The following NOL4 variants were observed in gnomAD, a reference collection of about 807,000 sequenced individuals.
The protein encoded by NOL4 is cancer/testis antigen 125.
NOL4 carries 17 observed loss-of-function variants against 75.9 expected under a neutral mutation model. The ratio of observed to expected loss-of-function variants is 0.22; its 90% CI spans 0.15 to 0.34. The LOEUF (loss-of-function observed/expected upper bound fraction) is 0.34, where lower values mean the gene tolerates loss of function less well. Among genes scored for constraint, NOL4 ranks in the 10% least tolerant of loss-of-function variants. NOL4 has a pLI of 1.00. For synonymous variants in NOL4, 292 were observed against 289.9 expected (o/e 1.01, Z -0.07); for missense variants, 614 against 793.5 (o/e 0.77, Z 2.72).
intron 10 of NOL4, among the ~76,000 whole-genome samples, chr18:33,858,153 C>G (rs769783232): frequency 6.6e-6 from 1 of 152,028 alleles, no homozygotes; most frequent in African/African-American, 2.4e-5. Context: ...AAGCACTGTT[C>G]TTGCCATAAT....
At chr18:34,142,125 A>T (rs2081194842) in intron 1 of NOL4, among the ~76,000 whole-genome samples, 1 of 152,206 alleles carries the variant, frequency 6.6e-6, no homozygotes, top group Non-Finnish European at 1.5e-5. Context: ...TCAAAACCAC[A>T]ATGAGATACC....
At chr18:34,094,275 A>T (rs1439672166) in intron 4 of NOL4, among the ~76,000 whole-genome samples, 1 of 152,192 alleles carries the variant, frequency 6.6e-6, no homozygotes, top group Non-Finnish European at 1.5e-5. Context: ...AAAAATTTTC[A>T]TTGGCAAACA....
At chr18:34,124,365 G>A (rs2080287180) in intron 2 of NOL4, among the ~76,000 whole-genome samples, 2 of 152,054 alleles carry the variant, frequency 1.3e-5, no homozygotes, top group Admixed American at 1.3e-4. Context: ...ATTGTGCCTA[G>A]AGAGTATTTT....
In NOL4 at chr18:33,959,796, G is replaced by C. The variant is rs76096130; in HGVS notation, c.1057-1378C>G. 8.6e-3 allele frequency among the ~76,000 whole-genome samples: 1,313 copies of C among 152,078 alleles called. 22 individuals are homozygous for C. The highest frequency in any genetic ancestry group is 0.03 in the African/African-American group (1,263 of 41,516). On this transcript the variant is annotated intron_variant, in intron 6 of 10. Transcript: ENST00000261592. ...ATTATCCTCCAGATTCTACAGATAAGGAAACAGCTTTAGAACATCTAAACA... is the reference window on the plus strand; with the variant it reads ...ATTATCCTCCAGATTCTACAGATAACGAAACAGCTTTAGAACATCTAAACA...
intron 1 of NOL4, among the ~76,000 whole-genome samples, chr18:34,211,361 T>C: frequency 6.6e-6 from 1 of 152,182 alleles, no homozygotes; most frequent in Non-Finnish European, 1.5e-5. Flanking sequence ...AACAGAGTGC[T>C]TAGAGAACAA....
At chr18:34,048,692 G>A in intron 5 of NOL4, 1 of 733,502 alleles carries the variant, frequency 1.4e-6, no homozygotes, top group Non-Finnish European at 1.7e-6. Context: ...AAAGACTCAG[G>A]GAAACATGCA....
intron 9 of NOL4, among the ~76,000 whole-genome samples, chr18:33,894,628 C>A (rs960783158): frequency 2.0e-5 from 3 of 152,104 alleles, no homozygotes; most frequent in African/African-American, 7.2e-5. Context: ...ATACCTGTTA[C>A]CAGAATTTTA....
intron 6 of NOL4, among the ~76,000 whole-genome samples, chr18:33,994,832 GC>G (rs1195628782): frequency 1.3e-5 from 2 of 151,088 alleles, no homozygotes; most frequent in Non-Finnish European, 3.0e-5. Flanking sequence ...GAAACAATAG[GC>G]AAAAACGAAT....
intron 1 of NOL4, chr18:34,222,538 G>A: frequency 2.6e-6 from 2 of 759,496 alleles, no homozygotes; most frequent in Non-Finnish European, 3.2e-6. Flanking sequence ...ATGCCAATAA[G>A]GAGACACTGT....
At chr18:34,131,047 TACACATACACACACACACATACACCG>T (rs1421927869) in intron 1 of NOL4, among the ~76,000 whole-genome samples, 3 of 140,262 alleles carry the variant, frequency 2.1e-5, no homozygotes, top group African/African-American at 8.1e-5. Flanking sequence ...AACACACACA[TACACATACACACACACACATACACCG>T]ACACACACAC....
chr18:34,073,193 A>G lies in NOL4; in HGVS notation c.772+20272T>C, dbSNP rs183184899. 1.4e-4 allele frequency among the ~76,000 whole-genome samples: 22 copies of G among 152,264 alleles called. No individual in the cohort carries two copies. The East Asian group carries it at 3.7e-3, about 25-fold the overall frequency. On this transcript the variant is annotated intron_variant, in intron 5 of 10. Coordinates refer to ENST00000261592, the MANE Select transcript of NOL4 (RefSeq NM_003787.5). ...TGAAATAACCAATCAGGAAAATAAT[A>G]AAAAGAAAAATACATCAATTACCAA...
intron 5 of NOL4, among the ~76,000 whole-genome samples, chr18:34,039,601 T>A (rs765531467): frequency 1.3e-5 from 2 of 152,054 alleles, no homozygotes; most frequent in African/African-American, 2.4e-5. Context: ...AAAAAATAAG[T>A]GTGTGGTCAA....
chr18:34,039,261 T>C (rs893694756), intron 5 of NOL4, among the ~76,000 whole-genome samples: 4 of 151,956 alleles, frequency 2.6e-5, no homozygotes, highest in South Asian at 2.1e-4. Flanking sequence ...GGGTTCCATA[T>C]TGAGTAGCAT....
At chr18:34,161,831 T>C (rs1568407618) in intron 1 of NOL4, among the ~76,000 whole-genome samples, 1 of 152,182 alleles carries the variant, frequency 6.6e-6, no homozygotes, top group Non-Finnish European at 1.5e-5. Flanking sequence ...AATTTAGATA[T>C]GTTCTGGTGT....
At chr18:34,084,014 G>T (rs2078129854) in intron 5 of NOL4, among the ~76,000 whole-genome samples, 1 of 152,182 alleles carries the variant, frequency 6.6e-6, no homozygotes, top group Non-Finnish European at 1.5e-5. Flanking sequence ...AGGCTGCAGA[G>T]CAGCAAAGAT....
intron 1 of NOL4, among the ~76,000 whole-genome samples, chr18:34,135,666 C>CCAG (rs1367928480): frequency 8.8e-6 from 1 of 113,514 alleles, no homozygotes; most frequent in Non-Finnish European, 1.6e-5. Flanking sequence ...CCACTGCACT[C>CCAG]CAGCCTGGGC....
intron 1 of NOL4, among the ~76,000 whole-genome samples, chr18:34,175,537 T>A (rs2033467760): frequency 6.6e-6 from 1 of 151,922 alleles, no homozygotes; most frequent in African/African-American, 2.4e-5. Context: ...TCAGAAAAAA[T>A]CTAAGACTGG....
intron 6 of NOL4, among the ~76,000 whole-genome samples, chr18:33,976,115 T>C (rs2071470237): frequency 6.6e-6 from 1 of 152,098 alleles, no homozygotes. Flanking sequence ...ACTAAACACA[T>C]TTCAAGGCAG....
intron 1 of NOL4, among the ~76,000 whole-genome samples, chr18:34,140,773 A>C (rs1433271719): frequency 2.6e-5 from 4 of 152,094 alleles, no homozygotes; most frequent in Non-Finnish European, 5.9e-5. Context: ...TCTTCCTAGC[A>C]TCAGTGGTCT....
Sources: gnomAD v4.1 joint callset for allele counts (sites outside exome capture counted in the v4.1 genomes callset) on GRCh38, gnomAD v4.1.1 for gene constraint, MANE v1.5 for transcripts, NCBI Gene and HGNC (gene_info 2026-07-23, HGNC 2026-07-21) for gene names.